Variants in SLC5A12 observed in about 807,000 individuals in gnomAD.
The protein encoded by SLC5A12 is sodium-coupled monocarboxylate transporter 2.
A neutral mutation model predicts 72.7 loss-of-function variants in SLC5A12; 46 were observed. That is an observed-to-expected ratio of 0.63 (90% CI 0.50 to 0.81). SLC5A12 has a LOEUF of 0.81. SLC5A12 is among the 30% of genes least tolerant of loss of function. The probability of loss-of-function intolerance (pLI) is 0.00; values close to 1 mark genes in which losing one functional copy is unlikely to be tolerated. For missense variants in SLC5A12, 683 were observed against 740.7 expected (o/e 0.92, Z 0.90); for synonymous variants, 275 against 264.4 (o/e 1.04, Z -0.39).
intron 12 of SLC5A12, among the ~76,000 whole-genome samples, chr11:26,680,328 C>CATATATATATGTATATATATTCAT (rs1854370334): frequency 4.0e-5 from 3 of 75,022 alleles, no homozygotes; most frequent in Admixed American, 1.7e-4. Flanking sequence ...TATATATATT[C>CATATATATATGTATATATATTCAT]ATATATATAT....
intron 11 of SLC5A12, among the ~76,000 whole-genome samples, 191 bp downstream of exon 11, chr11:26,683,566 T>C (rs756459774): frequency 6.6e-6 from 1 of 152,208 alleles, no homozygotes; most frequent in Non-Finnish European, 1.5e-5. Flanking sequence ...ACCTCTGCTC[T>C]TCTTTCATTT....
rs749352524 is a variant in SLC5A12, at chr11:26,721,589, C to A, written c.126G>T (p.Leu42=). 3.3e-5 allele frequency: 53 copies of A among 1,614,020 alleles called. No individual in the cohort carries two copies. Among genetic ancestry groups the A allele is most frequent in the Non-Finnish European group, 4.2e-5 (50 of 1,180,038 alleles). Residue 42 remains leucine (L), a synonymous_variant, in exon 1 of 15, where the codon CTG becomes CTT. Coordinates refer to ENST00000396005, the MANE Select transcript of SLC5A12 (RefSeq NM_178498.4). ...CAAAGCTCATTTGCCTTCCCCCAAC[C>A]AGGAACTCTCGGGAAGTTGCCTTTT... The part of the protein sequence containing the change: ...ERKKATSREF[L]VGGRQMSFGP...
intron 8 of SLC5A12, among the ~76,000 whole-genome samples, chr11:26,693,666 C>T (rs1425356179): frequency 6.6e-6 from 1 of 152,018 alleles, no homozygotes; most frequent in Non-Finnish European, 1.5e-5. Context: ...AAGAAACAGG[C>T]CAATGAACAA....
chr11:26,682,233 ATAT>A (rs2133147314), intron 11 of SLC5A12, among the ~76,000 whole-genome samples: 1 of 152,122 alleles, frequency 6.6e-6, no homozygotes, highest in South Asian at 2.1e-4. Flanking sequence ...GTGCCAGAAA[ATAT>A]TATTCTTCTT....
rs1199695164 is a variant in SLC5A12 at position 26,671,215 on chromosome 11, C to T, written c.1744G>A (p.Ala582Thr). 2 of 1,605,786 alleles carry T rather than the reference C, an allele frequency of 1.2e-6. No individual in the cohort carries two copies. The highest frequency in any genetic ancestry group is 2.7e-5 in the African/African-American group (2 of 74,560). Residue 582 changes from alanine (A) to threonine (T), a missense_variant, in exon 15 of 15, where the codon GCT (alanine) becomes ACT (threonine). Transcript: ENST00000396005. ...AGTCCGTTCTGTAAGACAGATTCAG[C>T]CCCCTGTTTCCGGGCACTGCCATTC... ...LENGSARKQGAESVLQNGLRR... is the reference protein window; with the variant it reads ...LENGSARKQGTESVLQNGLRR...
intron 7 of SLC5A12, 40 bp downstream of exon 7, chr11:26,698,366 C>T (rs1854876882): frequency 1.9e-6 from 3 of 1,604,726 alleles, no homozygotes; most frequent in East Asian, 2.2e-5. Flanking sequence ...GAAGCACGCT[C>T]ATTCCAGACA....
chr11:26,691,658 TTAGA>T (rs1404270302), intron 9 of SLC5A12: 2 of 152,124 alleles, frequency 1.3e-5, no homozygotes, highest in African/African-American at 4.8e-5. Flanking sequence ...AGGAACAAAG[TTAGA>T]TAGATATAAT....
chr11:26,712,322 A>T (rs1855248474), intron 2 of SLC5A12, among the ~76,000 whole-genome samples: 1 of 152,072 alleles, frequency 6.6e-6, no homozygotes, highest in South Asian at 2.1e-4. Context: ...AAAAACAAAA[A>T]CAAAAAAAGC....
chr11:26,674,419 A>C (rs1338616825), intron 13 of SLC5A12, among the ~76,000 whole-genome samples: 1 of 150,316 alleles, frequency 6.7e-6, no homozygotes, highest in Non-Finnish European at 1.5e-5. Context: ...TTTTTGTATG[A>C]GACAGAGTCT....
chr11:26,682,834 C>G (rs1275277652), intron 11 of SLC5A12, among the ~76,000 whole-genome samples: 1 of 152,008 alleles, frequency 6.6e-6, no homozygotes, highest in Non-Finnish European at 1.5e-5. Flanking sequence ...CTTGTCAACC[C>G]CAATATCAGA....
At chr11:26,716,455 C>G (rs1855351271) in intron 1 of SLC5A12, 1 of 152,134 alleles carries the variant, frequency 6.6e-6, no homozygotes, top group Admixed American at 6.6e-5. Flanking sequence ...CAGTGGTCAC[C>G]TTTGGTGTAT....
At chr11:26,709,051 A>G in intron 4 of SLC5A12, 1 of 323,712 alleles carries the variant, frequency 3.1e-6, no homozygotes, top group Admixed American at 4.4e-5. Flanking sequence ...CTAATCAAGA[A>G]GACTTTTTCA....
At chr11:26,686,364 A>G (rs2133156523) in intron 10 of SLC5A12, 113 bp downstream of exon 10, 1 of 816,104 alleles carries the variant, frequency 1.2e-6, no homozygotes, top group Admixed American at 2.2e-5. Context: ...TTTAATTTGG[A>G]GCTGGTATCA....
At chr11:26,709,554 A>C (rs1040557476) in intron 3 of SLC5A12, among the ~76,000 whole-genome samples, 175 bp from the exon 4 acceptor site, 2 of 152,134 alleles carry the variant, frequency 1.3e-5, no homozygotes, top group Non-Finnish European at 2.9e-5. Flanking sequence ...TATTTTTATT[A>C]TATTTTTATA....
intron 1 of SLC5A12, among the ~76,000 whole-genome samples, chr11:26,719,605 A>G (rs1209633760): frequency 2.0e-5 from 3 of 152,082 alleles, no homozygotes; most frequent in Non-Finnish European, 4.4e-5. Context: ...GTCCTTCAAC[A>G]TGCCAGTCAC....
upstream of SLC5A12, among the ~76,000 whole-genome samples, chr11:26,723,040 T>C (rs1855509600): frequency 6.6e-6 from 1 of 151,728 alleles, no homozygotes; most frequent in African/African-American, 2.4e-5. Flanking sequence ...TCAAATGACA[T>C]TTCCTTGAAG....
At chr11:26,722,194 T>C (rs1855496993), upstream of SLC5A12, among the ~76,000 whole-genome samples, 1 of 152,134 alleles carries the variant, frequency 6.6e-6, no homozygotes, top group Admixed American at 6.5e-5. Flanking sequence ...ATCTGTAAAA[T>C]GCAAACACAA....
chr11:26,697,099 T>A, intron 8 of SLC5A12, 65 bp downstream of exon 8: 3 of 1,356,368 alleles, frequency 2.2e-6, no homozygotes, highest in Non-Finnish European at 3.1e-6. Context: ...ATATTGTTGA[T>A]CACTACACCA....
At chr11:26,681,292 A>ACG in intron 11 of SLC5A12, 71 bp from the exon 12 acceptor site, 6 of 1,230,276 alleles carry the variant, frequency 4.9e-6, no homozygotes, top group South Asian at 1.8e-5. Flanking sequence ...TGAGATGAGG[A>ACG]GTTCTATGCC....
Sources: allele counts gnomAD v4.1 joint callset (sites outside exome capture counted in the v4.1 genomes callset), GRCh38; gene constraint gnomAD v4.1.1; transcripts MANE v1.5; gene names NCBI Gene and HGNC (gene_info 2026-07-23, HGNC 2026-07-21).